The following SLC25A14 variants were observed in gnomAD, a reference collection of about 807,000 sequenced individuals.
SLC25A14 encodes the protein brain mitochondrial carrier protein 1.
A neutral mutation model predicts 28.1 loss-of-function variants in SLC25A14; 8 were observed. The ratio of observed to expected loss-of-function variants is 0.28; its 90% CI spans 0.17 to 0.51. The LOEUF (loss-of-function observed/expected upper bound fraction) is 0.51. SLC25A14 is among the 20% of genes least tolerant of loss of function. The pLI, the probability that SLC25A14 is intolerant of heterozygous loss-of-function variation, is 0.97. For missense variants in SLC25A14, 135 were observed against 263.8 expected (o/e 0.51, Z 3.38); for synonymous variants, 74 against 90.6 (o/e 0.82, Z 1.04).
In SLC25A14 at chrX:130,364,769, G is replaced by A; in HGVS notation, c.719+17G>A. 8.3e-7 allele frequency: 1 copy of A among 1,198,863 alleles called. No homozygotes were observed. Among genetic ancestry groups the A allele is most frequent in the Non-Finnish European group, 1.1e-6 (1 of 887,460 alleles). On this transcript the variant is annotated intron_variant, in intron 8 of 10. Transcript: ENST00000545805. ...TCACTTCGTGTAAGTAGGATGGGAT[G>A]TGCTCATTTTATTTCCAGCATTTTG...
rs1332200280 is a variant in SLC25A14 at position 130,339,957 on chromosome X, C to T, written c.-192C>T. ...ACTGTGGGAGCCTCAGCTTCCCAGT[C>T]GTCCGATGAGCCCGAGCAGGTGAGG... is the stretch of plus-strand genomic sequence containing the variant. On this transcript the variant is annotated 5_prime_UTR_variant, in exon 1 of 11. Coordinates refer to ENST00000545805, the MANE Select transcript of SLC25A14 (RefSeq NM_001282195.2). The T allele has an allele frequency of 1.2e-6, 1 of 858,305 alleles. No homozygotes were observed. Among genetic ancestry groups the T allele is most frequent in the Non-Finnish European group, 1.4e-6 (1 of 707,048 alleles). The allele number at this position is 858,305 out of a possible 1,213,427, so 70.7% of individuals were successfully genotyped here. A position where few individuals can be genotyped will look rare whatever the true frequency, so the allele number is the denominator to read the frequency against.
intron 7 of SLC25A14, among the ~76,000 whole-genome samples, chrX:130,360,239 C>CT (rs1237900756): frequency 1.8e-5 from 2 of 110,208 alleles, no homozygotes; most frequent in African/African-American, 3.3e-5. Context: ...GTTTCTCTAT[C>CT]TTTATAGAGA....
chrX:130,342,724 C>G (rs1164835543), intron 2 of SLC25A14, among the ~76,000 whole-genome samples: 1 of 110,163 alleles, frequency 9.1e-6, no homozygotes, highest in Non-Finnish European at 1.9e-5. Context: ...TGCCTGTGGT[C>G]TCCAGATTTT....
At chrX:130,370,043 T>C (rs1304955993) in intron 9 of SLC25A14, among the ~76,000 whole-genome samples, 3 of 112,072 alleles carry the variant, frequency 2.7e-5, no homozygotes, top group Non-Finnish European at 5.6e-5. Context: ...AGGTCTCTTG[T>C]CATTTAACAG....
chrX:130,342,509 A>G (rs764975895), intron 2 of SLC25A14, among the ~76,000 whole-genome samples: 147 of 112,147 alleles, frequency 1.3e-3, no homozygotes, highest in Non-Finnish European at 1.9e-3. Context: ...AAAAGAATGC[A>G]TTTGTTGAAT....
At chrX:130,351,368 T>G (rs1055874083) in intron 6 of SLC25A14, among the ~76,000 whole-genome samples, 1 of 111,330 alleles carries the variant, frequency 9.0e-6, no homozygotes, top group Non-Finnish European at 1.9e-5. Context: ...GGGTGAGATT[T>G]GGCTTTAAAC....
intron 6 of SLC25A14, 84 bp from the exon 7 acceptor site, chrX:130,358,555 TA>T: frequency 1.7e-6 from 1 of 605,417 alleles, no homozygotes; most frequent in South Asian, 3.3e-5. Flanking sequence ...TAGATGAATT[TA>T]AAATGAATTT....
intron 4 of SLC25A14, 128 bp downstream of exon 4, chrX:130,346,819 C>T: frequency 1.9e-6 from 1 of 526,407 alleles, no homozygotes; most frequent in South Asian, 4.0e-5. Context: ...TATTGATATG[C>T]CAGTTTATAT....
In SLC25A14 at chrX:130,364,609, T is replaced by C; in HGVS notation, c.595-19T>C. On this transcript the variant is annotated intron_variant, in intron 7 of 10. Transcript: ENST00000545805. Reference sequence around the variant, plus strand: ...CCCTTTGTATTTCCTTGGTGCCTAATGTCACTTGTGTTTCGTAGGGTGTGG... The same window carrying C: ...CCCTTTGTATTTCCTTGGTGCCTAACGTCACTTGTGTTTCGTAGGGTGTGG... The C allele has an allele frequency of 5.9e-6, 7 of 1,180,882 alleles. No homozygotes were observed. Among genetic ancestry groups the C allele is most frequent in the Non-Finnish European group, 8.1e-6 (7 of 868,777 alleles).
intron 5 of SLC25A14, 99 bp downstream of exon 5, chrX:130,349,444 G>C: frequency 2.1e-6 from 1 of 469,153 alleles, no homozygotes; most frequent in Non-Finnish European, 3.7e-6. Flanking sequence ...GAATGGAGGA[G>C]AGTCACTGCA....
At chrX:130,360,081 CT>C (rs767830129) in intron 7 of SLC25A14, among the ~76,000 whole-genome samples, 10 of 81,588 alleles carry the variant, frequency 1.2e-4, no homozygotes, top group Non-Finnish European at 9.9e-5. Context: ...TTTTTTTTTT[CT>C]TTTTTTTTTT....
chrX:130,361,830 T>C (rs1475356030), intron 7 of SLC25A14, among the ~76,000 whole-genome samples: 1 of 112,002 alleles, frequency 8.9e-6, no homozygotes, highest in Non-Finnish European at 1.9e-5. Flanking sequence ...GCTGGAAATC[T>C]GCATTTCTGT....
chrX:130,366,646 T>C (rs2034124712), intron 9 of SLC25A14, among the ~76,000 whole-genome samples: 1 of 112,519 alleles, frequency 8.9e-6, no homozygotes, highest in African/African-American at 3.2e-5. Flanking sequence ...AAGGGTTAGA[T>C]TATAAAGGAT....
chrX:130,365,685 A>G lies in SLC25A14; in HGVS notation c.855+9A>G. 1 of 1,185,698 alleles carries G rather than the reference A, an allele frequency of 8.4e-7. No individual in the cohort carries two copies. Among genetic ancestry groups the G allele is most frequent in the Non-Finnish European group, 1.1e-6 (1 of 875,259 alleles). On this transcript the variant is annotated intron_variant, in intron 9 of 10. Transcript: ENST00000545805. Reference sequence around the variant, plus strand: ...TTGATGGTATTTTAAAGGTAAGTACATTGTGGATTTGGGTTACAATTTGGC... The same window carrying G: ...TTGATGGTATTTTAAAGGTAAGTACGTTGTGGATTTGGGTTACAATTTGGC...
rs756679763 is a variant in SLC25A14 at position 130,346,629 on chromosome X, A to G, written c.255A>G (p.Arg85=). 17 of 1,206,420 alleles carry G rather than the reference A, an allele frequency of 1.4e-5. No individual in the cohort carries two copies. Among genetic ancestry groups the G allele is most frequent in the Non-Finnish European group, 1.9e-5 (17 of 891,832 alleles). Residue 85 remains arginine (R), a synonymous_variant, in exon 4 of 11, where the codon AGA becomes AGG. Coordinates refer to ENST00000545805, the MANE Select transcript of SLC25A14 (RefSeq NM_001282195.2). ...IDARFKEIKY[R]GMFHALFRIC... is the part of the protein sequence containing the mutation. ...CCCGTTTCAAAGAGATAAAATATAG[A>G]GGGATGTTCCATGCGCTGTTTCGCA... is the stretch of plus-strand genomic sequence containing the variant.
rs4829715 is a variant in SLC25A14, at chrX:130,357,573, G to A, written c.499-1067G>A. On this transcript the variant is annotated intron_variant, in intron 6 of 10. Coordinates refer to ENST00000545805, the MANE Select transcript of SLC25A14 (RefSeq NM_001282195.2). ...TGATAGGTTGTATCTTGATTTAATG[G>A]GTTTAGGTTTTTATAATTATAATAT... Among the ~76,000 whole-genome samples the A allele has an allele frequency of 8.9e-3, 993 of 111,744 alleles. 14 individuals are homozygous for A. The highest frequency in any genetic ancestry group is 0.074 in the Admixed American group (772 of 10,436).
At chrX:130,364,527 G>A in intron 7 of SLC25A14, 101 bp from the exon 8 acceptor site, 1 of 540,890 alleles carries the variant, frequency 1.8e-6, no homozygotes, top group East Asian at 3.7e-5. Flanking sequence ...CTTCAGACTT[G>A]TATTTTTCTG....
At chrX:130,368,339 ATTAT>A (rs1432314496) in intron 9 of SLC25A14, among the ~76,000 whole-genome samples, 1 of 112,235 alleles carries the variant, frequency 8.9e-6, no homozygotes, top group African/African-American at 3.2e-5. Flanking sequence ...AATATGTTTG[ATTAT>A]TCATTCAAGT....
At chrX:130,358,830 A>G in intron 7 of SLC25A14, 95 bp downstream of exon 7, 1 of 719,840 alleles carries the variant, frequency 1.4e-6, no homozygotes, top group South Asian at 2.6e-5. Context: ...CGTGAATTAT[A>G]ATCCAAAAAC....
Sources: gnomAD v4.1 joint callset for allele counts (sites outside exome capture counted in the v4.1 genomes callset) on GRCh38, gnomAD v4.1.1 for gene constraint, MANE v1.5 for transcripts, NCBI Gene and HGNC (gene_info 2026-07-23, HGNC 2026-07-21) for gene names.